The following RBFOX1 variants were observed in gnomAD, a reference collection of about 807,000 sequenced individuals.
The protein encoded by RBFOX1 is RNA binding fox-1 homolog 1, also known as RNA binding protein fox-1 homolog 1.
A neutral mutation model predicts 57.7 loss-of-function variants in RBFOX1; 8 were observed. The observed-to-expected ratio is 0.14, with a 90% CI of 0.08 to 0.25. The LOEUF is 0.25. Among genes scored for constraint, RBFOX1 ranks in the 10% least tolerant of loss-of-function variants. RBFOX1 has a pLI of 1.00. For synonymous variants in RBFOX1, 326 were observed against 222.4 expected, an observed-to-expected ratio of 1.47 and a Z score of -4.15; for missense variants, 611 against 548.5, an observed-to-expected ratio of 1.11 and a Z score of -1.14.
intron 2 of RBFOX1, among the ~76,000 whole-genome samples, chr16:6,476,542 A>G (rs546638177): frequency 2.2e-4 from 33 of 152,328 alleles, no homozygotes; most frequent in African/African-American, 7.9e-4. Flanking sequence ...ACCTTAATTT[A>G]AAAAGACTTT....
intron 7 of RBFOX1, among the ~76,000 whole-genome samples, chr16:7,587,721 C>A (rs745647435): frequency 9.2e-5 from 14 of 152,116 alleles, no homozygotes; most frequent in Non-Finnish European, 2.1e-4. Context: ...TATACACCAA[C>A]CTTTTGAATG....
At chr16:5,701,607 A>G (rs1487967453) in intron 3 of RBFOX1, among the ~76,000 whole-genome samples, 1 of 151,810 alleles carries the variant, frequency 6.6e-6, no homozygotes, top group African/African-American at 2.4e-5. Flanking sequence ...TATTTTTTGT[A>G]TTTTTTTGTA....
At chr16:6,161,046 C>G (rs574395862) in intron 1 of RBFOX1, among the ~76,000 whole-genome samples, 3 of 152,204 alleles carry the variant, frequency 2.0e-5, no homozygotes, top group Middle Eastern at 3.2e-3. Flanking sequence ...TTCTGCAGCC[C>G]TGCCCCTTGA....
intron 1 of RBFOX1, among the ~76,000 whole-genome samples, chr16:6,077,684 T>TTTTTTTTATTTA (rs1555499152): frequency 1.4e-5 from 2 of 142,652 alleles, no homozygotes. Flanking sequence ...CTTCTTTTAT[T>TTTTTTTTATTTA]TTTACTTATT....
chr16:5,425,796 C>A (rs150392335), intron 1 of RBFOX1, among the ~76,000 whole-genome samples: 8 of 152,148 alleles, frequency 5.3e-5, no homozygotes, highest in Admixed American at 3.9e-4. Flanking sequence ...GAACCCCCCA[C>A]GTCCCTGAAA....
chr16:7,531,580 C>G (rs2080087611), intron 5 of RBFOX1, among the ~76,000 whole-genome samples: 1 of 152,128 alleles, frequency 6.6e-6, no homozygotes, highest in Admixed American at 6.5e-5. Context: ...ATGCTGGGGT[C>G]TTCCATGAGC....
chr16:6,728,426 T>C (rs184609221), intron 3 of RBFOX1, among the ~76,000 whole-genome samples: 8 of 152,344 alleles, frequency 5.3e-5, no homozygotes, highest in Non-Finnish European at 2.9e-5. Context: ...TTGTATTTTG[T>C]ATGTTTCATA....
chr16:7,040,195 A>G (rs2045727910), intron 3 of RBFOX1, among the ~76,000 whole-genome samples: 1 of 151,410 alleles, frequency 6.6e-6, no homozygotes, highest in Non-Finnish European at 1.5e-5. Context: ...AGTTTTCTGT[A>G]TTTTTAGTAG....
chr16:6,540,870 A>G (rs973747010), intron 2 of RBFOX1, among the ~76,000 whole-genome samples: 1 of 152,014 alleles, frequency 6.6e-6, no homozygotes, highest in Admixed American at 6.6e-5. Context: ...TATTCATCAT[A>G]TTTCTCCATT....
At chr16:6,191,341 T>C (rs2097140557) in intron 1 of RBFOX1, among the ~76,000 whole-genome samples, 1 of 151,992 alleles carries the variant, frequency 6.6e-6, no homozygotes, top group Non-Finnish European at 1.5e-5. Flanking sequence ...ATAGCAGAAA[T>C]TGTTGCCAGA....
chr16:6,488,536 G>T (rs1007647535), intron 2 of RBFOX1, among the ~76,000 whole-genome samples: 2 of 152,096 alleles, frequency 1.3e-5, no homozygotes, highest in Non-Finnish European at 2.9e-5. Flanking sequence ...ATTTAGAGAT[G>T]GAGAAACAAT....
chr16:6,347,483 A>G (rs1237999828), intron 2 of RBFOX1, among the ~76,000 whole-genome samples: 1 of 152,218 alleles, frequency 6.6e-6, no homozygotes, highest in Non-Finnish European at 1.5e-5. Flanking sequence ...AGTTGCTGTG[A>G]AAAGAATGTT....
At chr16:6,246,952 C>T (rs961221446) in intron 1 of RBFOX1, among the ~76,000 whole-genome samples, 15 of 152,122 alleles carry the variant, frequency 9.9e-5, no homozygotes, top group African/African-American at 3.6e-4. Flanking sequence ...TGCCTATAAT[C>T]CCAGCCGCTT....
chr16:6,449,080 A>G (rs2094541893), intron 2 of RBFOX1, among the ~76,000 whole-genome samples: 1 of 152,198 alleles, frequency 6.6e-6, no homozygotes, highest in Non-Finnish European at 1.5e-5. Context: ...GTATATGTAC[A>G]TCATACAGGT....
rs556205218 is a variant in RBFOX1 at position 7,241,042 on chromosome 16, C to T, written c.27+188944C>T. On this transcript the variant is annotated intron_variant, in intron 4 of 15. Coordinates refer to ENST00000550418, the MANE Select transcript of RBFOX1 (RefSeq NM_018723.4). ...TCTGGCTATCGTGAAAATTAAGCCA[C>T]TGGATTTGGGTTGGAAAAGAAGGTT... is the stretch of plus-strand genomic sequence containing the variant. Among the ~76,000 whole-genome samples the T allele has an allele frequency of 5.9e-5, 9 of 152,244 alleles. No homozygotes were observed. In the East Asian group the frequency reaches 7.7e-4, roughly 13 times the overall value.
intron 3 of RBFOX1, among the ~76,000 whole-genome samples, chr16:5,799,474 A>G (rs570167282): frequency 6.6e-6 from 1 of 152,230 alleles, no homozygotes; most frequent in African/African-American, 2.4e-5. Flanking sequence ...TTTTTCAACT[A>G]TATAATGATA....
At chr16:5,638,717 A>G (rs1186915481) in intron 3 of RBFOX1, among the ~76,000 whole-genome samples, 1 of 152,184 alleles carries the variant, frequency 6.6e-6, no homozygotes, top group African/African-American at 2.4e-5. Flanking sequence ...GTCTGTCCCC[A>G]CAGACACTGG....
intron 4 of RBFOX1, among the ~76,000 whole-genome samples, chr16:7,211,146 C>G (rs1055221971): frequency 2.0e-5 from 3 of 150,690 alleles, no homozygotes; most frequent in Non-Finnish European, 4.4e-5. Flanking sequence ...AATCCCAGCA[C>G]TTTGGGAGGC....
intron 1 of RBFOX1, among the ~76,000 whole-genome samples, chr16:5,396,132 T>G (rs1048594125): frequency 6.6e-6 from 1 of 152,208 alleles, no homozygotes; most frequent in African/African-American, 2.4e-5. Context: ...ATCTGTTATG[T>G]AGCAAATCAG....
Sources: gnomAD v4.1 joint callset for allele counts (sites outside exome capture counted in the v4.1 genomes callset) on GRCh38, gnomAD v4.1.1 for gene constraint, MANE v1.5 for transcripts, NCBI Gene and HGNC (gene_info 2026-07-23, HGNC 2026-07-21) for gene names.